The following FAAP20 variants were observed in gnomAD, a reference collection of about 807,000 sequenced individuals.
FAAP20 encodes FA core complex associated protein 20, also known as Fanconi anemia core complex-associated protein 20.
Under a neutral mutation model 16.2 loss-of-function variants are expected in FAAP20, and 12 were observed. That is an observed-to-expected ratio of 0.74 (90% CI 0.48 to 1.20). FAAP20 has a LOEUF of 1.20. FAAP20 is among the 50% of genes most tolerant of loss of function. FAAP20 has a pLI of 0.00. For missense variants in FAAP20, 288 were observed against 245.8 expected (o/e 1.17, Z -1.15); for synonymous variants, 141 against 110.7 (o/e 1.27, Z -1.72).
upstream of FAAP20, chr1:2,198,287 G>A: frequency 3.7e-6 from 3 of 807,206 alleles, no homozygotes; most frequent in Non-Finnish European, 5.2e-6. Context: ...TCGAGTGGGT[G>A]GGGGCATCAG....
At chr1:2,198,167 TG>T, upstream of FAAP20, 1 of 1,288,768 alleles carries the variant, frequency 7.8e-7, no homozygotes, top group Non-Finnish European at 1.0e-6. Context: ...AATTTCTGGT[TG>T]GGACTGACAC....
At position 2,194,074 on chromosome 1, in the gene FAAP20, G is replaced by A; in HGVS notation, c.122C>T (p.Ala41Val). 6.2e-7 allele frequency: 1 copy of A among 1,612,594 alleles called. No individual in the cohort carries two copies. The highest frequency in any genetic ancestry group is 8.5e-7 in the Non-Finnish European group (1 of 1,179,960). The change falls in exon 2 of 4, where the codon GCC (alanine) becomes GTC (valine). Residue 41 changes from alanine (A) to valine (V), a missense_variant. Coordinates refer to ENST00000378546, the MANE Select transcript of FAAP20 (RefSeq NM_182533.4). ...LGGDERERLW[A>V]ELLRTVSPEL... ...CGGGCTCACCGTGCGCAGTAGCTCG[G>A]CCCAGAGCCGCTCCCGCTCATCACC...
upstream of FAAP20, chr1:2,194,807 G>A (rs1018714422): frequency 3.5e-6 from 2 of 571,262 alleles, no homozygotes; most frequent in Non-Finnish European, 4.1e-6. Flanking sequence ...TCCAGGCCCC[G>A]CCCCCGCCCC....
At chr1:2,211,435 A>ATATT (rs1557797987), downstream of FAAP20, among the ~76,000 whole-genome samples, 1 of 8,564 alleles carries the variant, frequency 1.2e-4, no homozygotes. Context: ...ATATATATAT[A>ATATT]TTTTTTTTTT....
At chr1:2,200,697 G>A (rs940413978), upstream of FAAP20, 6 of 986,718 alleles carry the variant, frequency 6.1e-6, no homozygotes, top group East Asian at 1.1e-4. Context: ...AAGCCGCCAC[G>A]CACCAAGTTC....
chr1:2,204,964 C>T (rs1448379053), intron 3 of FAAP20, among the ~76,000 whole-genome samples: 8 of 112,648 alleles, frequency 7.1e-5, no homozygotes, highest in Non-Finnish European at 1.5e-4. Flanking sequence ...CCCGCCCCGC[C>T]CCCCGGGCGC....
upstream of FAAP20, among the ~76,000 whole-genome samples, chr1:2,204,414 A>T (rs1390515798): frequency 6.6e-5 from 10 of 152,216 alleles, no homozygotes; most frequent in African/African-American, 2.4e-4. Flanking sequence ...TCTCCCAAAT[A>T]GTGACTTCCT....
Position 2,194,729 on chromosome 1 carries a change from C to G in FAAP20, c.21G>C (p.Pro7=). The part of the protein sequence containing the change: MEAARR[P]RLGLSRRRPR... ...GCCTCCGGCGGCTCAACCCCAGCCG[C>G]GGCCTCCGCGCCGCCTCCATCCAAG... The change falls in exon 1 of 4, where the codon CCG becomes CCC. Residue 7 remains proline (P), a synonymous_variant. Coordinates refer to ENST00000378546, the MANE Select transcript of FAAP20 (RefSeq NM_182533.4). 8.4e-7 allele frequency: 1 copy of G among 1,193,714 alleles called. No individual in the cohort carries two copies. 73.9% of individuals were successfully genotyped at this position (1,193,714 alleles called of 1,614,324 possible).
downstream of FAAP20, among the ~76,000 whole-genome samples, chr1:2,186,401 G>A (rs1687596007): frequency 6.6e-6 from 1 of 152,130 alleles, no homozygotes; most frequent in Admixed American, 6.5e-5. Flanking sequence ...GCACGACATG[G>A]TGGATTCACA....
Position 2,194,107 on chromosome 1 carries a change from A to G in FAAP20, c.89T>C (p.Leu30Pro), listed in dbSNP as rs1272675738. Reference sequence around the variant, plus strand: ...CCGCTCCCGCTCATCACCCCCCAGGAGAAACCAGGGGCGGCCGCCAGAAGG... The same window carrying G: ...CCGCTCCCGCTCATCACCCCCCAGGGGAAACCAGGGGCGGCCGCCAGAAGG... ...GGPSGGRPWF[L>P]LGGDERERLW... Residue 30 changes from leucine (L) to proline (P), a missense_variant, in exon 2 of 4, where the codon CTC (leucine) becomes CCC (proline). By Grantham distance (98) the Leu-to-Pro change is moderately conservative. Coordinates refer to ENST00000378546, the MANE Select transcript of FAAP20 (RefSeq NM_182533.4). The G allele has an allele frequency of 1.2e-6, 2 of 1,612,244 alleles. No homozygotes were observed. The highest frequency in any genetic ancestry group is 2.7e-5 in the African/African-American group (2 of 74,852).
At chr1:2,210,320 G>C (rs1028563924), downstream of FAAP20, among the ~76,000 whole-genome samples, 1 of 152,234 alleles carries the variant, frequency 6.6e-6, no homozygotes, top group Non-Finnish European at 1.5e-5. Context: ...ACCTGCTGAG[G>C]GTCCTCTTTT....
Position 2,189,663 on chromosome 1 carries a change from G to C in FAAP20, c.*46C>G, listed in dbSNP as rs766296739. 35 of 1,531,352 alleles carry C rather than the reference G, an allele frequency of 2.3e-5. No homozygotes were observed. Among genetic ancestry groups the C allele is most frequent in the Non-Finnish European group, 3.0e-5 (33 of 1,111,288 alleles). The allele number at this position is 1,531,352 out of a possible 1,614,324, so 94.9% of individuals were successfully genotyped here. On this transcript the variant is annotated 3_prime_UTR_variant, in exon 4 of 4. Transcript: ENST00000378546. The stretch of plus-strand genomic sequence containing the variant: ...GAGAGGCGGGGCTGCTGGCGGGGGA[G>C]AGCGTGTCCGGGCGCCGCACTCTGC...
downstream of FAAP20, among the ~76,000 whole-genome samples, chr1:2,209,867 T>C (rs1689388995): frequency 6.6e-6 from 1 of 152,186 alleles, no homozygotes; most frequent in Admixed American, 6.5e-5. Context: ...ACAGAGCTTG[T>C]CGGAGGAGGC....
chr1:2,202,350 T>C (rs1464865078), upstream of FAAP20, among the ~76,000 whole-genome samples: 1 of 152,244 alleles, frequency 6.6e-6, no homozygotes, highest in Non-Finnish European at 1.5e-5. Context: ...CTTCTGTTTT[T>C]GTTTTAGAGA....
chr1:2,184,829 T>C, downstream of FAAP20: 1 of 1,389,702 alleles, frequency 7.2e-7, no homozygotes, highest in Non-Finnish European at 1.0e-6. Flanking sequence ...CCAGTGGGCG[T>C]TGGGGGAGGA....
At chr1:2,184,852 C>T (rs531916201), downstream of FAAP20, 948 of 1,454,522 alleles carry the variant, frequency 6.5e-4, 9 homozygotes, top group Admixed American at 0.015. Context: ...CTTATGCGAA[C>T]GTGACTCCGC....
upstream of FAAP20, chr1:2,203,648 A>C: frequency 6.1e-6 from 6 of 985,970 alleles, no homozygotes; most frequent in Non-Finnish European, 7.2e-6. Flanking sequence ...GAGGGAAGAT[A>C]TCAGGCTGGG....
chr1:2,185,064 TA>T (rs1306381846), downstream of FAAP20: 36 of 1,494,296 alleles, frequency 2.4e-5, no homozygotes, highest in South Asian at 7.1e-5. Flanking sequence ...ACTGTATCCT[TA>T]ACCACCGCAT....
At chr1:2,194,610 C>T in intron 1 of FAAP20, 78 bp downstream of exon 1, 1 of 740,406 alleles carries the variant, frequency 1.4e-6, no homozygotes, top group Non-Finnish European at 1.7e-6. Flanking sequence ...GAGAATAGAG[C>T]GGGAGGCCCG....
Sources: gnomAD v4.1 joint callset for allele counts (sites outside exome capture counted in the v4.1 genomes callset) on GRCh38, gnomAD v4.1.1 for gene constraint, MANE v1.5 for transcripts, NCBI Gene and HGNC (gene_info 2026-07-23, HGNC 2026-07-21) for gene names.